NCOA1: variants seen among roughly 807,000 people sequenced by gnomAD.
The protein encoded by NCOA1 is nuclear receptor coactivator 1, also known as Hin-2 protein.
In NCOA1, 35 loss-of-function variants were observed where a neutral mutation model predicts 150.9. The observed-to-expected ratio is 0.23, with a 90% confidence interval of 0.18 to 0.31. The LOEUF is 0.31. Ranked by LOEUF, NCOA1 falls within the 10% of genes least tolerant of loss-of-function variation. NCOA1 has a pLI of 1.00. For synonymous variants in NCOA1, 590 were observed against 630.0 expected (o/e 0.94, Z 0.95); for missense variants, 1,491 against 1,749.3 (o/e 0.85, Z 2.63).
chr2:24,604,182 T>A (rs1437611129), intron 3 of NCOA1, among the ~76,000 whole-genome samples: 2 of 152,242 alleles, frequency 1.3e-5, no homozygotes, highest in Non-Finnish European at 2.9e-5. Context: ...TGTAAACAGA[T>A]GTGCTGTCAT....
intron 2 of NCOA1, among the ~76,000 whole-genome samples, chr2:24,575,920 G>A (rs1417561340): frequency 1.3e-5 from 2 of 152,120 alleles, no homozygotes; most frequent in Non-Finnish European, 2.9e-5. Context: ...TTGGCATGCA[G>A]TTAAATTTTT....
chr2:24,571,137 A>G (rs1041441867), intron 2 of NCOA1, among the ~76,000 whole-genome samples: 1 of 151,802 alleles, frequency 6.6e-6, no homozygotes, highest in East Asian at 1.9e-4. Flanking sequence ...TCTCGAGTAC[A>G]GGGGAGGTTG....
chr2:24,537,241 C>T (rs1447515492), intron 1 of NCOA1, among the ~76,000 whole-genome samples: 1 of 23,984 alleles, frequency 4.2e-5, no homozygotes, highest in African/African-American at 7.5e-5. Flanking sequence ...GTGATACATA[C>T]ACACACACAC....
intron 1 of NCOA1, among the ~76,000 whole-genome samples, chr2:24,492,667 G>A (rs1663028588): frequency 6.6e-6 from 1 of 152,220 alleles, no homozygotes; most frequent in South Asian, 2.1e-4. Flanking sequence ...TCCTTGTGCA[G>A]AAGGTGACAT....
intron 1 of NCOA1, among the ~76,000 whole-genome samples, chr2:24,499,991 A>C (rs1268835404): frequency 6.6e-6 from 1 of 152,264 alleles, no homozygotes. Context: ...CCTTGATAGC[A>C]TACAACAGAA....
At chr2:24,698,009 TGG>T (rs1442039843) in intron 11 of NCOA1, among the ~76,000 whole-genome samples, 1 of 152,152 alleles carries the variant, frequency 6.6e-6, no homozygotes, top group East Asian at 1.9e-4. Flanking sequence ...GGATGTTGTG[TGG>T]TGGTCACTCA....
At chr2:24,698,893 A>G (rs1352875215) in intron 11 of NCOA1, among the ~76,000 whole-genome samples, 1 of 152,204 alleles carries the variant, frequency 6.6e-6, no homozygotes, top group Non-Finnish European at 1.5e-5. Context: ...TCTTCCAGGA[A>G]ACATCTATAT....
At chr2:24,607,478 AG>A (rs1324833190) in intron 3 of NCOA1, among the ~76,000 whole-genome samples, 3 of 152,202 alleles carry the variant, frequency 2.0e-5, no homozygotes, top group Non-Finnish European at 2.9e-5. Context: ...TCATGAGGTC[AG>A]GAGATCAAGA....
At chr2:24,757,125 T>C in intron 20 of NCOA1, among the ~76,000 whole-genome samples, 1 of 152,160 alleles carries the variant, frequency 6.6e-6, no homozygotes, top group East Asian at 1.9e-4. Flanking sequence ...AGCTATAGGA[T>C]ATTGAATAAA....
intron 2 of NCOA1, among the ~76,000 whole-genome samples, chr2:24,575,638 A>G (rs1424432730): frequency 6.7e-6 from 1 of 150,312 alleles, no homozygotes; most frequent in African/African-American, 2.5e-5. Flanking sequence ...CAGTGGTGCA[A>G]TCTTGGCTCA....
Position 24,507,443 on chromosome 2 carries a change from T to G in NCOA1, c.-396+15841T>G, listed in dbSNP as rs556805771. On this transcript the variant is annotated intron_variant, in intron 1 of 22. Coordinates refer to ENST00000348332, the MANE Select transcript of NCOA1 (RefSeq NM_003743.5). ...TGAAGGTGAGCTGCTGGGTTTTTTTTTTTTTTTTTTTTAATGTTTAAAATA... is the reference window on the plus strand; with the variant it reads ...TGAAGGTGAGCTGCTGGGTTTTTTTGTTTTTTTTTTTTAATGTTTAAAATA... Among the ~76,000 whole-genome samples the G allele has an allele frequency of 1.3e-4, 19 of 151,322 alleles. No individual in the cohort carries two copies. In the South Asian group the frequency reaches 3.6e-3, roughly 28 times the overall value.
At chr2:24,554,954 G>A (rs958050960) in intron 1 of NCOA1, among the ~76,000 whole-genome samples, 1 of 152,140 alleles carries the variant, frequency 6.6e-6, no homozygotes, top group East Asian at 1.9e-4. Context: ...AATATGAAGC[G>A]TCTACGTTGT....
intron 5 of NCOA1, among the ~76,000 whole-genome samples, chr2:24,664,799 T>G (rs1162466068): frequency 6.6e-6 from 1 of 152,240 alleles, no homozygotes; most frequent in Non-Finnish European, 1.5e-5. Flanking sequence ...TCTTCTGTCC[T>G]CTTTTTTCTG....
At chr2:24,587,337 G>A (rs1667456483) in intron 3 of NCOA1, among the ~76,000 whole-genome samples, 1 of 151,988 alleles carries the variant, frequency 6.6e-6, no homozygotes, top group Non-Finnish European at 1.5e-5. Context: ...TTCATATTTT[G>A]ACTTTCTTCT....
intron 1 of NCOA1, among the ~76,000 whole-genome samples, chr2:24,503,237 A>C (rs1435088015): frequency 6.6e-6 from 1 of 152,182 alleles, no homozygotes; most frequent in African/African-American, 2.4e-5. Flanking sequence ...TTGCTTGGAG[A>C]ACGTGTTGTT....
At chr2:24,762,103 C>G (rs1167102164) in intron 21 of NCOA1, among the ~76,000 whole-genome samples, 4 of 152,254 alleles carry the variant, frequency 2.6e-5, no homozygotes, top group Non-Finnish European at 4.4e-5. Flanking sequence ...CAGGCGCTGC[C>G]TGGATTCCCT....
At chr2:24,589,973 C>A (rs561748570) in intron 3 of NCOA1, among the ~76,000 whole-genome samples, 1 of 152,110 alleles carries the variant, frequency 6.6e-6, no homozygotes, top group Non-Finnish European at 1.5e-5. Context: ...AATTGACAGG[C>A]CCCATGTTCT....
At chr2:24,742,207 T>C (rs1363966886) in intron 19 of NCOA1, 21 bp downstream of exon 19, 5 of 1,592,384 alleles carry the variant, frequency 3.1e-6, no homozygotes, top group African/African-American at 2.7e-5. Flanking sequence ...CACAACTTTA[T>C]GTTGTTCTAA....
chr2:24,656,491 ACT>A (rs140219678), intron 4 of NCOA1, among the ~76,000 whole-genome samples: 5,046 of 152,076 alleles, frequency 0.033, 126 homozygotes, highest in Non-Finnish European at 0.05. Flanking sequence ...TTCAAAATCT[ACT>A]CTTTTTGCTA....
Sources: allele counts gnomAD v4.1 joint callset (sites outside exome capture counted in the v4.1 genomes callset), GRCh38; gene constraint gnomAD v4.1.1; transcripts MANE v1.5; gene names NCBI Gene and HGNC (gene_info 2026-07-23, HGNC 2026-07-21).